The following HECW1 variants were observed in gnomAD, a reference collection of about 807,000 sequenced individuals.
The protein encoded by HECW1 is HECT, C2 and WW domain containing E3 ubiquitin protein ligase 1, also known as E3 ubiquitin-protein ligase HECW1.
HECW1 carries 61 observed loss-of-function variants against 182.3 expected under a neutral mutation model. That is an observed-to-expected ratio of 0.33 (90% CI 0.27 to 0.41). The LOEUF (loss-of-function observed/expected upper bound fraction) is 0.41. Among genes scored for constraint, HECW1 ranks in the 10% least tolerant of loss-of-function variants. HECW1 has a pLI of 1.00. For synonymous variants in HECW1, 859 were observed against 832.6 expected (o/e 1.03, Z -0.55); for missense variants, 1,739 against 2,108.9 (o/e 0.82, Z 3.44).
At chr7:43,147,778 T>C (rs1397601301) in intron 2 of HECW1, among the ~76,000 whole-genome samples, 1 of 152,220 alleles carries the variant, frequency 6.6e-6, no homozygotes, top group African/African-American at 2.4e-5. Flanking sequence ...GGACTGGCCA[T>C]TGGCCACAGT....
intron 24 of HECW1, among the ~76,000 whole-genome samples, chr7:43,523,317 T>C (rs897110097): frequency 6.6e-6 from 1 of 152,196 alleles, no homozygotes; most frequent in African/African-American, 2.4e-5. Flanking sequence ...GCTCGTATTT[T>C]TAAACACCAG....
intron 5 of HECW1, among the ~76,000 whole-genome samples, chr7:43,339,079 T>G (rs190207221): frequency 3.9e-4 from 60 of 152,334 alleles, no homozygotes; most frequent in Non-Finnish European, 8.8e-5. Flanking sequence ...CCCCATCTTA[T>G]GCTTCTAAGA....
At chr7:43,337,262 A>AT (rs1386296125) in intron 5 of HECW1, among the ~76,000 whole-genome samples, 1 of 152,084 alleles carries the variant, frequency 6.6e-6, no homozygotes, top group South Asian at 2.1e-4. Context: ...TCTCACTGTG[A>AT]TTTTAATTTG....
intron 5 of HECW1, among the ~76,000 whole-genome samples, chr7:43,350,931 T>C (rs911467154): frequency 6.6e-6 from 1 of 152,224 alleles, no homozygotes; most frequent in East Asian, 1.9e-4. Context: ...TTGGGAGGCA[T>C]TGACAAGACT....
rs540592518 is a variant in HECW1, at chr7:43,372,952, A to G, written c.555+11972A>G. On this transcript the variant is annotated intron_variant, in intron 6 of 29. Transcript: ENST00000395891. ...TCAACCCCACAGCCATTCCTATGGG[A>G]ATGATAAACAGAAAAGACAAAACCA... is the stretch of plus-strand genomic sequence containing the variant. Among the ~76,000 whole-genome samples the G allele has an allele frequency of 1.5e-3, 236 of 152,302 alleles. 2 individuals are homozygous for G. The highest frequency in any genetic ancestry group is 5.5e-3 in the African/African-American group (230 of 41,562).
intron 8 of HECW1, among the ~76,000 whole-genome samples, chr7:43,414,724 T>C (rs1363268072): frequency 6.7e-6 from 1 of 149,208 alleles, no homozygotes; most frequent in Non-Finnish European, 1.5e-5. Flanking sequence ...CATGTGGTTT[T>C]TGTCTTTGGC....
intron 2 of HECW1, among the ~76,000 whole-genome samples, chr7:43,195,583 G>C (rs1042844333): frequency 3.3e-5 from 5 of 152,150 alleles, no homozygotes; most frequent in African/African-American, 1.2e-4. Flanking sequence ...CATTGATACT[G>C]GTGGGCTGGG....
At chr7:43,117,671 T>C (rs1785173811) in intron 2 of HECW1, among the ~76,000 whole-genome samples, 1 of 152,190 alleles carries the variant, frequency 6.6e-6, no homozygotes, top group Non-Finnish European at 1.5e-5. Flanking sequence ...CTTTAAATAT[T>C]TTAGGAAGCA....
intron 2 of HECW1, among the ~76,000 whole-genome samples, chr7:43,218,940 T>C (rs1796694040): frequency 1.3e-5 from 2 of 152,208 alleles, no homozygotes; most frequent in African/African-American, 4.8e-5. Context: ...GAGAGAGCAG[T>C]GCCGGGGAGC....
intron 6 of HECW1, among the ~76,000 whole-genome samples, chr7:43,386,142 AC>A (rs2074786765): frequency 6.6e-6 from 1 of 152,088 alleles, no homozygotes; most frequent in South Asian, 2.1e-4. Flanking sequence ...GGTGTGTCAA[AC>A]CCTTCTCACC....
In HECW1 at chr7:43,468,932, G is replaced by C. The variant is rs369598569; in HGVS notation, c.2926G>C (p.Val976Leu). 7.7e-5 allele frequency: 124 copies of C among 1,613,968 alleles called. No homozygotes were observed. Among genetic ancestry groups the C allele is most frequent in the Non-Finnish European group, 1.0e-4 (120 of 1,180,024 alleles). The change falls in exon 16 of 30, where the codon GTC becomes CTC. Residue 976 changes from valine (V) to leucine (L), a missense_variant. This residue lies in a region of HECW1 where 971 missense variants were observed against 1,029.1 expected (regional missense o/e 0.94). Transcript: ENST00000395891. ...TGACCTGTCTCAGAGTGCCTACCGA[G>C]TCTTCACCAGTAGCACCTGCTTAAA... Reference protein sequence around the residue: ...VLHANYSAYRVFTSSTCLKHM... With the variant: ...VLHANYSAYRLFTSSTCLKHM...
chr7:43,416,857 A>C (rs924551244), intron 8 of HECW1, among the ~76,000 whole-genome samples: 2 of 1,338 alleles, frequency 1.5e-3, no homozygotes, highest in African/African-American at 9.3e-3. Flanking sequence ...TGCGCTTCCC[A>C]GGTGAGGCAA....
At chr7:43,441,650 C>T (rs1209287490) in intron 9 of HECW1, among the ~76,000 whole-genome samples, 2 of 152,184 alleles carry the variant, frequency 1.3e-5, no homozygotes, top group African/African-American at 4.8e-5. Flanking sequence ...CAGTCCCTGT[C>T]TAAATTACTC....
chr7:43,407,646 G>T lies in HECW1; in HGVS notation c.716G>T (p.Ser239Ile). 6.2e-7 allele frequency: 1 copy of T among 1,613,596 alleles called. No homozygotes were observed. The highest frequency in any genetic ancestry group is 1.7e-5 in the Admixed American group (1 of 59,998). ...LKISIQPGKH[S>I]IFPALPHHGQ... ...ATTTCCATTCAGCCTGGGAAACACA[G>T]CATCTTCCCCGCCCTCCCTCACCAT... The change falls in exon 8 of 30, where the codon AGC (serine) becomes ATC (isoleucine). Residue 239 changes from serine (S) to isoleucine (I), a missense_variant. By Grantham distance (142) the Ser-to-Ile change is moderately radical. Transcript: ENST00000395891.
At chr7:43,179,554 TTTGTTGTTGTTG>T (rs35378292) in intron 2 of HECW1, among the ~76,000 whole-genome samples, 1 of 148,106 alleles carries the variant, frequency 6.8e-6, no homozygotes, top group African/African-American at 2.5e-5. Context: ...ATTTGCTAAG[TTTGTTGTTGTTG>T]TTGTTGTTGT....
chr7:43,454,745 TA>T (rs151071778), intron 12 of HECW1, among the ~76,000 whole-genome samples: 18 of 152,126 alleles, frequency 1.2e-4, no homozygotes, highest in Admixed American at 1.2e-3. Context: ...TTTTTTCCCT[TA>T]AAAAAATGAG....
chr7:43,224,740 A>G (rs748599963), intron 2 of HECW1, among the ~76,000 whole-genome samples: 1 of 152,224 alleles, frequency 6.6e-6, no homozygotes, highest in Non-Finnish European at 1.5e-5. Context: ...ACCTGAGCCC[A>G]GGAGGTTGAG....
intron 9 of HECW1, among the ~76,000 whole-genome samples, chr7:43,440,873 C>A (rs116131626): frequency 0.017 from 1,211 of 71,620 alleles, 13 homozygotes; most frequent in African/African-American, 0.043. Context: ...TATCAAAGAA[C>A]AATTTTTAAG....
intron 2 of HECW1, among the ~76,000 whole-genome samples, chr7:43,155,105 C>T (rs1206568613): frequency 6.6e-6 from 1 of 152,184 alleles, no homozygotes; most frequent in South Asian, 2.1e-4. Context: ...GAGGAACATC[C>T]TCAAGTGGCT....
Sources: gnomAD v4.1 joint callset for allele counts (sites outside exome capture counted in the v4.1 genomes callset) on GRCh38, gnomAD v4.1.1 for gene constraint, gnomAD v4.1.1 regional missense constraint, MANE v1.5 for transcripts, NCBI Gene and HGNC (gene_info 2026-07-23, HGNC 2026-07-21) for gene names.